Variants in CYFIP1 observed in about 807,000 individuals in gnomAD.
CYFIP1 encodes cytoplasmic FMR1-interacting protein 1.
Under a neutral mutation model 163.5 loss-of-function variants are expected in CYFIP1, and 58 were observed. The ratio of observed to expected loss-of-function variants is 0.35; its 90% CI spans 0.29 to 0.44. The LOEUF is 0.44. Among genes scored for constraint, CYFIP1 ranks in the 20% least tolerant of loss-of-function variants. The pLI is 1.00. For synonymous variants in CYFIP1, 663 were observed against 660.7 expected (o/e 1.00, Z -0.05); for missense variants, 1,338 against 1,653.8 (o/e 0.81, Z 3.31).
At chr15:22,951,467 G>C (rs2062247028) in intron 1 of CYFIP1, 2 of 1,289,220 alleles carry the variant, frequency 1.6e-6, no homozygotes, top group African/African-American at 1.5e-5. Flanking sequence ...AGGCACCTCA[G>C]GGTGATGCCG....
At chr15:22,881,503 C>T (rs1242105413) in intron 25 of CYFIP1, among the ~76,000 whole-genome samples, 3 of 152,100 alleles carry the variant, frequency 2.0e-5, no homozygotes, top group Admixed American at 2.0e-4. Flanking sequence ...AGGCCTTGCA[C>T]CATCTCGGTG....
intron 10 of CYFIP1, among the ~76,000 whole-genome samples, chr15:22,933,536 G>C (rs1244387509): frequency 6.6e-6 from 1 of 150,454 alleles, no homozygotes; most frequent in Non-Finnish European, 1.5e-5. Context: ...GGATGGTCTC[G>C]ATCTCCTGAC....
At chr15:22,877,762 C>T (rs1342940539) in intron 26 of CYFIP1, among the ~76,000 whole-genome samples, 2 of 152,288 alleles carry the variant, frequency 1.3e-5, no homozygotes, top group East Asian at 3.9e-4. Flanking sequence ...ACAATGAAGG[C>T]CTGGGGCTGC....
In CYFIP1 at chr15:22,873,727, T is replaced by C; in HGVS notation, c.3213A>G (p.Gln1071=). 1 of 1,611,246 alleles carries C rather than the reference T, an allele frequency of 6.2e-7. No homozygotes were observed. The highest frequency in any genetic ancestry group is 8.5e-7 in the Non-Finnish European group (1 of 1,177,808). ...PLIERLGTPQ[Q]IAIAREGDLL... is the part of the protein sequence containing the mutation. ...GGTCCCCCTCTCTTGCGATGGCAAT[T>C]TGCTGCAGAAAGGACAAGCCGTGGA... The change falls in exon 29 of 31, where the codon CAA becomes CAG. Residue 1071 remains glutamine (Q), a splice_region_variant and synonymous_variant. Coordinates refer to ENST00000617928, the MANE Select transcript of CYFIP1 (RefSeq NM_014608.6).
At chr15:22,916,750 G>C in intron 15 of CYFIP1, 120 bp from the exon 16 acceptor site, 1 of 1,610,372 alleles carries the variant, frequency 6.2e-7, no homozygotes. Flanking sequence ...GGAGGGCCCC[G>C]CACCAGCTCC....
At chr15:22,915,834 C>T (rs2060957238) in intron 16 of CYFIP1, among the ~76,000 whole-genome samples, 1 of 152,172 alleles carries the variant, frequency 6.6e-6, no homozygotes, top group African/African-American at 2.4e-5. Context: ...TAGAGGCACA[C>T]TCAGGGAGGT....
intron 26 of CYFIP1, among the ~76,000 whole-genome samples, chr15:22,879,417 G>A (rs950270587): frequency 9.9e-5 from 15 of 152,178 alleles, no homozygotes; most frequent in African/African-American, 3.4e-4. Context: ...CGTCCTAAGA[G>A]GGGGTGGGCT....
intron 1 of CYFIP1, among the ~76,000 whole-genome samples, chr15:22,955,940 G>A (rs2062434025): frequency 6.6e-6 from 1 of 152,086 alleles, no homozygotes; most frequent in Non-Finnish European, 1.5e-5. Context: ...ATTTGGGGCT[G>A]GGCACAGTGG....
rs182226409 is a variant in CYFIP1, at chr15:22,971,453, G to A, written c.-7+8834C>T. On this transcript the variant is annotated intron_variant, in intron 1 of 30. Coordinates refer to ENST00000617928, the MANE Select transcript of CYFIP1 (RefSeq NM_014608.6). ...TTTGGGAGGCCAAGGCAGGCAGATC[G>A]CTTGAGGTCAGGAGTTCCAGACCAG... Among the ~76,000 whole-genome samples the A allele has an allele frequency of 1.4e-3, 209 of 152,184 alleles. 1 individual carries two copies. Among genetic ancestry groups the A allele is most frequent in the African/African-American group, 4.8e-3 (200 of 41,518 alleles).
chr15:22,871,277 A>C (rs772378093), intron 30 of CYFIP1, among the ~76,000 whole-genome samples: 1 of 152,258 alleles, frequency 6.6e-6, no homozygotes, highest in Non-Finnish European at 1.5e-5. Context: ...GAAAACACAC[A>C]GAATATAGAA....
intron 25 of CYFIP1, among the ~76,000 whole-genome samples, chr15:22,881,119 T>C (rs888135051): frequency 1.3e-5 from 2 of 151,238 alleles, no homozygotes; most frequent in African/African-American, 2.4e-5. Context: ...CCCTGGGGAG[T>C]TGCCAAAAAG....
intron 9 of CYFIP1, among the ~76,000 whole-genome samples, chr15:22,936,069 C>T (rs528492083): frequency 5.3e-4 from 81 of 152,046 alleles, no homozygotes; most frequent in Non-Finnish European, 9.3e-4. Context: ...GCCAGGAGTT[C>T]GAGACCAGCC....
chr15:22,931,000 G>C (rs1003523551), intron 11 of CYFIP1, among the ~76,000 whole-genome samples: 1 of 152,116 alleles, frequency 6.6e-6, no homozygotes, highest in Non-Finnish European at 1.5e-5. Context: ...ATGCCCAAAC[G>C]CTTGCCAGGG....
At chr15:22,967,503 T>A (rs1478366815) in intron 1 of CYFIP1, among the ~76,000 whole-genome samples, 1 of 152,164 alleles carries the variant, frequency 6.6e-6, no homozygotes, top group South Asian at 2.1e-4. Flanking sequence ...CTGCTCACAG[T>A]GTGTGGGAAG....
At chr15:22,875,156 C>G (rs1232194651) in intron 27 of CYFIP1, 43 bp downstream of exon 27, 2 of 1,594,616 alleles carry the variant, frequency 1.3e-6, no homozygotes, top group African/African-American at 1.3e-5. Flanking sequence ...ACCACCCCCA[C>G]AGAGGGCAGT....
intron 13 of CYFIP1, among the ~76,000 whole-genome samples, chr15:22,921,572 T>C (rs1305885148): frequency 6.6e-6 from 1 of 150,940 alleles, no homozygotes; most frequent in Non-Finnish European, 1.5e-5. Context: ...TCCCAGCACT[T>C]TGGGAGGTCA....
chr15:22,979,967 G>A (rs2063417572), intron 1 of CYFIP1, among the ~76,000 whole-genome samples: 2 of 152,292 alleles, frequency 1.3e-5, no homozygotes, highest in South Asian at 2.1e-4. Flanking sequence ...CCGGGATCCG[G>A]GGGCGCGAGG....
chr15:22,926,119 G>GA lies in CYFIP1; in HGVS notation c.1234-13dup, dbSNP rs576464100. On this transcript the variant is annotated splice_polypyrimidine_tract_variant and intron_variant, in intron 12 of 30. Coordinates refer to ENST00000617928, the MANE Select transcript of CYFIP1 (RefSeq NM_014608.6). ...AGCTTCCAGGAATACTGTGGTGGCCGAAAGAGCAGAGGTGTTCCATATTGC... is the reference window on the plus strand; with the variant it reads ...AGCTTCCAGGAATACTGTGGTGGCCGAAAAGAGCAGAGGTGTTCCATATTGC... 281 of 1,614,040 alleles carry GA rather than the reference G, an allele frequency of 1.7e-4. 3 individuals are homozygous for GA. The highest frequency in any genetic ancestry group is 1.5e-3 in the South Asian group (136 of 91,080).
At chr15:22,939,580 A>AC in intron 6 of CYFIP1, 73 bp from the exon 7 acceptor site, 1 of 986,374 alleles carries the variant, frequency 1.0e-6, no homozygotes, top group Non-Finnish European at 1.5e-6. Flanking sequence ...AAAAAAAAAA[A>AC]AGCCTGGTTC....
Sources: gnomAD v4.1 joint callset for allele counts (sites outside exome capture counted in the v4.1 genomes callset) on GRCh38, gnomAD v4.1.1 for gene constraint, MANE v1.5 for transcripts, NCBI Gene and HGNC (gene_info 2026-07-23, HGNC 2026-07-21) for gene names.